Variants in INPP4B observed in about 807,000 individuals in gnomAD.
INPP4B encodes the protein inositol polyphosphate 4-phosphatase type II.
INPP4B carries 55 observed loss-of-function variants against 122.5 expected under a neutral mutation model. The observed-to-expected ratio is 0.45, with a 90% CI of 0.36 to 0.56. The LOEUF is 0.56. Among genes scored for constraint, INPP4B ranks in the 20% least tolerant of loss-of-function variants. The pLI, the probability that INPP4B is intolerant of heterozygous loss-of-function variation, is 0.00. For missense variants in INPP4B, 1,000 were observed against 1,097.7 expected (o/e 0.91, Z 1.26); for synonymous variants, 403 against 388.7 (o/e 1.04, Z -0.43).
intron 25 of INPP4B, among the ~76,000 whole-genome samples, chr4:142,047,622 C>T (rs552777111): frequency 6.6e-4 from 100 of 152,066 alleles, no homozygotes; most frequent in African/African-American, 2.2e-3. Context: ...TGATACTCTT[C>T]GGCTCCCACA....
intron 2 of INPP4B, among the ~76,000 whole-genome samples, chr4:142,552,874 C>G (rs896648892): frequency 7.6e-4 from 115 of 152,306 alleles, no homozygotes; most frequent in African/African-American, 2.8e-3. Context: ...ACAGGCAGTC[C>G]TGCTCTATAG....
intron 5 of INPP4B, among the ~76,000 whole-genome samples, chr4:142,408,902 A>G (rs1303558037): frequency 6.6e-6 from 1 of 152,204 alleles, no homozygotes; most frequent in East Asian, 1.9e-4. Flanking sequence ...TGGGGATTCT[A>G]GTGTGCTTGT....
At position 142,395,631 on chromosome 4, in the gene INPP4B, C is replaced by T. The variant is rs80280935; in HGVS notation, c.372+7307G>A. 1.6e-3 allele frequency among the ~76,000 whole-genome samples: 236 copies of T among 152,202 alleles called. 1 individual carries two copies. Among genetic ancestry groups the T allele is most frequent in the African/African-American group, 5.5e-3 (227 of 41,538 alleles). Reference sequence around the variant, plus strand: ...GCAACATTCATTGCAGCACTATTCACAATGGCCAAGATGTGGAGACAACCT... The same window carrying T: ...GCAACATTCATTGCAGCACTATTCATAATGGCCAAGATGTGGAGACAACCT... On this transcript the variant is annotated intron_variant, in intron 7 of 25. Transcript: ENST00000262992.
intron 7 of INPP4B, among the ~76,000 whole-genome samples, chr4:142,322,337 A>G (rs549469183): frequency 6.6e-6 from 1 of 152,306 alleles, no homozygotes; most frequent in South Asian, 2.1e-4. Flanking sequence ...CCTGGGAAGT[A>G]CATTGAACAT....
At chr4:142,650,132 G>A (rs1752630760) in intron 2 of INPP4B, among the ~76,000 whole-genome samples, 1 of 152,142 alleles carries the variant, frequency 6.6e-6, no homozygotes, top group Non-Finnish European at 1.5e-5. Flanking sequence ...CATAAGAGAA[G>A]GAGAAATAAA....
At position 142,124,693 on chromosome 4, in the gene INPP4B, G is replaced by A. The variant is rs1797974940; in HGVS notation, c.1788C>T (p.Asn596=). The change falls in exon 19 of 26, where the codon AAC becomes AAT. Residue 596 remains asparagine (N), a synonymous_variant. Coordinates refer to ENST00000262992, the MANE Select transcript of INPP4B (RefSeq NM_001101669.3). ...CAAATGTCAGGGACTGCTTGGCTCG[G>A]TTCACCACTTCTCCCATGCAGTCCT... ...TLKDCMGEVV[N]RAKQSLTFVL... 1 of 1,612,338 alleles carries A rather than the reference G, an allele frequency of 6.2e-7. No individual in the cohort carries two copies. The highest frequency in any genetic ancestry group is 8.5e-7 in the Non-Finnish European group (1 of 1,178,870).
intron 2 of INPP4B, among the ~76,000 whole-genome samples, chr4:142,630,843 G>T (rs1433048370): frequency 6.6e-6 from 1 of 152,024 alleles, no homozygotes; most frequent in Admixed American, 6.6e-5. Flanking sequence ...GACATGAAAA[G>T]GCTTAATCTT....
intron 16 of INPP4B, among the ~76,000 whole-genome samples, chr4:142,165,530 T>C (rs974584335): frequency 2.6e-5 from 4 of 151,754 alleles, no homozygotes; most frequent in Admixed American, 6.6e-5. Flanking sequence ...CAAATACAAA[T>C]ATAAATGAGA....
rs755609500 is a variant in INPP4B, at chr4:142,402,921, G to T, written c.372+17C>A. 4 of 1,199,998 alleles carry T rather than the reference G, an allele frequency of 3.3e-6. No homozygotes were observed. The Middle Eastern group carries it at 5.7e-4, about 171-fold the overall frequency. 74.3% of individuals were successfully genotyped at this position (1,199,998 alleles called of 1,614,324 possible). A position where few individuals can be genotyped will look rare whatever the true frequency, so the allele number is the denominator to read the frequency against. ...CATAACTTTTTCCCAAAGAAAGAAA[G>T]AAGTACCAGTACTTACGGTGTCATG... On this transcript the variant is annotated intron_variant, in intron 7 of 25. Transcript: ENST00000262992.
chr4:142,640,291 A>T (rs1331544240), intron 2 of INPP4B, among the ~76,000 whole-genome samples: 1 of 152,166 alleles, frequency 6.6e-6, no homozygotes, highest in Non-Finnish European at 1.5e-5. Flanking sequence ...TCTATTGGAA[A>T]TTAAGACTTA....
At chr4:142,043,836 T>G (rs2667094) in intron 25 of INPP4B, among the ~76,000 whole-genome samples, 124,120 of 152,144 alleles carry the variant, frequency 0.82, 52,682 homozygotes, top group Non-Finnish European at 0.92. Flanking sequence ...CAGCAAAGTG[T>G]TGGGATTAGC....
intron 1 of INPP4B, among the ~76,000 whole-genome samples, chr4:142,785,563 T>C (rs1416236621): frequency 2.0e-5 from 3 of 152,044 alleles, no homozygotes; most frequent in Non-Finnish European, 2.9e-5. Context: ...GGCCTGTAAG[T>C]AGACTGGCAT....
At chr4:142,216,329 A>G (rs1347167349) in intron 12 of INPP4B, among the ~76,000 whole-genome samples, 1 of 152,218 alleles carries the variant, frequency 6.6e-6, no homozygotes, top group Non-Finnish European at 1.5e-5. Flanking sequence ...AAAAGACTCA[A>G]TAATAAAATA....
intron 2 of INPP4B, among the ~76,000 whole-genome samples, chr4:142,622,109 C>T (rs976208896): frequency 1.3e-5 from 2 of 151,926 alleles, no homozygotes; most frequent in Non-Finnish European, 2.9e-5. Flanking sequence ...AGGATAGATG[C>T]TGAATTAATG....
chr4:142,266,007 A>G (rs768477913), intron 10 of INPP4B, among the ~76,000 whole-genome samples: 10 of 152,172 alleles, frequency 6.6e-5, no homozygotes, highest in Non-Finnish European at 1.2e-4. Flanking sequence ...TATATTTAGA[A>G]TCAGAGAAAG....
chr4:142,369,894 G>T (rs1789165263), intron 7 of INPP4B, among the ~76,000 whole-genome samples: 1 of 144,746 alleles, frequency 6.9e-6, no homozygotes, highest in Non-Finnish European at 1.5e-5. Context: ...CGGTGCCACT[G>T]CACTCCAGGC....
intron 2 of INPP4B, among the ~76,000 whole-genome samples, chr4:142,494,024 G>A (rs912801677): frequency 1.3e-5 from 2 of 152,118 alleles, no homozygotes; most frequent in Admixed American, 6.6e-5. Context: ...TTTTCACAAG[G>A]TCTGATGGTT....
chr4:142,410,279 G>A (rs1041330362), intron 5 of INPP4B, among the ~76,000 whole-genome samples: 12 of 152,202 alleles, frequency 7.9e-5, no homozygotes, highest in Non-Finnish European at 1.6e-4. Flanking sequence ...AGGCTTTCAC[G>A]AGAGTGGTGG....
At chr4:142,670,362 T>C (rs1580673786) in intron 2 of INPP4B, among the ~76,000 whole-genome samples, 1 of 152,186 alleles carries the variant, frequency 6.6e-6, no homozygotes, top group East Asian at 1.9e-4. Flanking sequence ...TGCAGCATTA[T>C]ACACAATAGT....
Sources: gnomAD v4.1 joint callset for allele counts (sites outside exome capture counted in the v4.1 genomes callset) on GRCh38, gnomAD v4.1.1 for gene constraint, MANE v1.5 for transcripts, NCBI Gene and HGNC (gene_info 2026-07-23, HGNC 2026-07-21) for gene names.